The following CNTNAP2 variants were observed in gnomAD, a reference collection of about 807,000 sequenced individuals.
CNTNAP2 encodes the protein contactin-associated protein-like 2.
Under a neutral mutation model 155.2 loss-of-function variants are expected in CNTNAP2, and 98 were observed. That is an observed-to-expected ratio of 0.63 (90% CI 0.54 to 0.75). The LOEUF (loss-of-function observed/expected upper bound fraction) is 0.75. Ranked by LOEUF, CNTNAP2 falls within the 30% of genes least tolerant of loss-of-function variation. The pLI is 0.00. For synonymous variants in CNTNAP2, 651 were observed against 631.2 expected, an observed-to-expected ratio of 1.03 and a Z score of -0.47; for missense variants, 1,727 against 1,688.1, an observed-to-expected ratio of 1.02 and a Z score of -0.40.
intron 15 of CNTNAP2, among the ~76,000 whole-genome samples, chr7:148,054,349 G>A (rs1802967580): frequency 6.6e-6 from 1 of 151,096 alleles, no homozygotes; most frequent in South Asian, 2.1e-4. Flanking sequence ...ATATGAATGA[G>A]TCTAATATGT....
chr7:147,607,525 C>T (rs969816995), intron 12 of CNTNAP2, among the ~76,000 whole-genome samples: 1 of 152,070 alleles, frequency 6.6e-6, no homozygotes, highest in African/African-American at 2.4e-5. Context: ...GGTCACAACC[C>T]CGTCAAGGGA....
At chr7:147,561,440 A>T (rs1374026847) in intron 11 of CNTNAP2, among the ~76,000 whole-genome samples, 1 of 152,222 alleles carries the variant, frequency 6.6e-6, no homozygotes, top group Non-Finnish European at 1.5e-5. Context: ...TTCTGAAAAC[A>T]GGTGCAGTCT....
intron 1 of CNTNAP2, among the ~76,000 whole-genome samples, chr7:146,268,188 A>G (rs1338610603): frequency 6.6e-6 from 1 of 152,202 alleles, no homozygotes; most frequent in African/African-American, 2.4e-5. Flanking sequence ...CAGTCGAATG[A>G]ATATCCAGGA....
intron 16 of CNTNAP2, among the ~76,000 whole-genome samples, chr7:148,124,703 G>GT (rs1804676793): frequency 6.6e-6 from 1 of 152,200 alleles, no homozygotes; most frequent in African/African-American, 2.4e-5. Context: ...TACACAGCAA[G>GT]TTTTATACAC....
intron 1 of CNTNAP2, among the ~76,000 whole-genome samples, chr7:146,369,312 A>T (rs75218357): frequency 0.018 from 2,730 of 152,106 alleles, 40 homozygotes; most frequent in Middle Eastern, 0.037. Context: ...TTATGAAGTT[A>T]TTCTCTTTTT....
At chr7:146,874,745 C>A (rs115613999) in intron 3 of CNTNAP2, among the ~76,000 whole-genome samples, 26 of 152,298 alleles carry the variant, frequency 1.7e-4, no homozygotes, top group African/African-American at 6.3e-4. Context: ...CAAGTTTTGA[C>A]ATGATTCTTT....
At chr7:147,869,161 A>C (rs1324670173) in intron 13 of CNTNAP2, among the ~76,000 whole-genome samples, 1 of 152,250 alleles carries the variant, frequency 6.6e-6, no homozygotes, top group Non-Finnish European at 1.5e-5. Flanking sequence ...CTTAAAGCTG[A>C]AAATATATAG....
chr7:146,409,702 C>T (rs931203760), intron 1 of CNTNAP2, among the ~76,000 whole-genome samples: 2 of 152,154 alleles, frequency 1.3e-5, no homozygotes, highest in African/African-American at 4.8e-5. Flanking sequence ...ATCACTGCAT[C>T]CTCCTCCCCA....
At chr7:147,337,544 A>C (rs986985508) in intron 9 of CNTNAP2, among the ~76,000 whole-genome samples, 1 of 151,414 alleles carries the variant, frequency 6.6e-6, no homozygotes, top group Non-Finnish European at 1.5e-5. Context: ...TAGGGTATGC[A>C]ATATAAAAAA....
chr7:146,280,792 C>T (rs1024395641), intron 1 of CNTNAP2, among the ~76,000 whole-genome samples: 1 of 152,166 alleles, frequency 6.6e-6, no homozygotes, highest in Non-Finnish European at 1.5e-5. Flanking sequence ...TGGCCTAATC[C>T]TACCAATAGA....
At chr7:146,592,240 T>C (rs183142920) in intron 1 of CNTNAP2, among the ~76,000 whole-genome samples, 373 of 152,320 alleles carry the variant, frequency 2.4e-3, no homozygotes, top group African/African-American at 8.4e-3. Context: ...CTCTGTGGCA[T>C]ATGGTCTTCA....
chr7:147,651,349 T>C (rs1015677776), intron 13 of CNTNAP2, among the ~76,000 whole-genome samples: 4 of 152,212 alleles, frequency 2.6e-5, no homozygotes, highest in South Asian at 2.1e-4. Context: ...TAGAATATGC[T>C]CTTTTACTTA....
intron 8 of CNTNAP2, among the ~76,000 whole-genome samples, chr7:147,228,857 C>G (rs1803610382): frequency 6.6e-6 from 1 of 151,774 alleles, no homozygotes; most frequent in African/African-American, 2.4e-5. Flanking sequence ...CTCCCTGTGT[C>G]CATGTGTTCT....
intron 13 of CNTNAP2, among the ~76,000 whole-genome samples, chr7:147,653,158 T>C (rs1263596441): frequency 1.3e-5 from 2 of 152,212 alleles, no homozygotes; most frequent in Non-Finnish European, 2.9e-5. Flanking sequence ...GAATTGTATA[T>C]TGATTAAATA....
chr7:148,216,758 T>A (rs1430223358), intron 18 of CNTNAP2, among the ~76,000 whole-genome samples: 1 of 152,192 alleles, frequency 6.6e-6, no homozygotes, highest in African/African-American at 2.4e-5. Flanking sequence ...CCACCCTAAT[T>A]TCAAATTGTA....
In CNTNAP2 at chr7:147,784,817, G is replaced by A. The variant is rs1486426417; in HGVS notation, c.2099-118748G>A. Among the ~76,000 whole-genome samples, 5 of 151,792 alleles carry A rather than the reference G, an allele frequency of 3.3e-5. No homozygotes were observed. In the East Asian group the frequency reaches 9.7e-4, roughly 29 times the overall value. On this transcript the variant is annotated intron_variant, in intron 13 of 23. Coordinates refer to ENST00000361727, the MANE Select transcript of CNTNAP2 (RefSeq NM_014141.6). ...ACAGCTGGGAGCTGGCAGCTGGACT[G>A]TGCTGCAGTGGTGGTGGTGGTTGTT...
chr7:146,779,343 A>G (rs1324468832), intron 2 of CNTNAP2, among the ~76,000 whole-genome samples: 1 of 152,182 alleles, frequency 6.6e-6, no homozygotes, highest in African/African-American at 2.4e-5. Flanking sequence ...AGAAACCCCA[A>G]AATACATCAT....
chr7:147,741,490 A>G (rs573512910), intron 13 of CNTNAP2, among the ~76,000 whole-genome samples: 2 of 152,344 alleles, frequency 1.3e-5, no homozygotes, highest in South Asian at 2.1e-4. Context: ...TGGAAATAAA[A>G]TATGTGAAAA....
Position 146,116,965 on chromosome 7 carries a change from C to G in CNTNAP2, c.89C>G (p.Ser30Cys). 1 of 1,551,524 alleles carries G rather than the reference C, an allele frequency of 6.4e-7. No individual in the cohort carries two copies. Among genetic ancestry groups the G allele is most frequent in the Non-Finnish European group, 8.7e-7 (1 of 1,147,248 alleles). ...CTCTGCAGAGCCTGGACGGCTCCCT[C>G]CACGTCCCGTAAGTAGCCGTCTCCT... ...SCLCRAWTAP[S>C]TSQKCDEPLV... The change falls in exon 1 of 24, where the codon TCC becomes TGC. Residue 30 changes from serine (S) to cysteine (C), a missense_variant. Coordinates refer to ENST00000361727, the MANE Select transcript of CNTNAP2 (RefSeq NM_014141.6). This position sits in a 1 kb window ranked among gnomAD's most constrained non-coding sequence, Gnocchi z 5.5.
Sources: gnomAD v4.1 joint callset for allele counts (sites outside exome capture counted in the v4.1 genomes callset) on GRCh38, gnomAD v4.1.1 for gene constraint, Gnocchi (gnomAD v3.1) non-coding constraint, MANE v1.5 for transcripts, NCBI Gene and HGNC (gene_info 2026-07-23, HGNC 2026-07-21) for gene names.